Variants in LIMCH1 observed in about 807,000 individuals in gnomAD.
LIMCH1 encodes the protein LIM and calponin homology domains 1.
Under a neutral mutation model 176.5 loss-of-function variants are expected in LIMCH1, and 113 were observed. The observed-to-expected ratio is 0.64, with a 90% CI of 0.55 to 0.75. The LOEUF (loss-of-function observed/expected upper bound fraction) is 0.75. Ranked by LOEUF, LIMCH1 falls within the 30% of genes least tolerant of loss-of-function variation. The pLI is 0.00. For synonymous variants in LIMCH1, 619 were observed against 645.9 expected (o/e 0.96, Z 0.63); for missense variants, 1,674 against 1,814.9 (o/e 0.92, Z 1.41).
chr4:41,457,476 G>A (rs1436600650), intron 1 of LIMCH1, among the ~76,000 whole-genome samples: 1 of 152,144 alleles, frequency 6.6e-6, no homozygotes, highest in Non-Finnish European at 1.5e-5. Flanking sequence ...CCTAGGCACT[G>A]TTGTAAGTAC....
intron 1 of LIMCH1, among the ~76,000 whole-genome samples, chr4:41,408,159 A>G (rs777108939): frequency 6.6e-6 from 1 of 152,134 alleles, no homozygotes; most frequent in African/African-American, 2.4e-5. Flanking sequence ...AACAAGGGCA[A>G]AGGCATGGGT....
chr4:41,429,305 A>G (rs2061395287), intron 1 of LIMCH1, among the ~76,000 whole-genome samples: 1 of 151,338 alleles, frequency 6.6e-6, no homozygotes, highest in Non-Finnish European at 1.5e-5. Flanking sequence ...TTGTGCTTCT[A>G]GTGCTCTGAC....
chr4:41,440,441 A>G (rs751811564), intron 1 of LIMCH1, among the ~76,000 whole-genome samples: 19 of 152,298 alleles, frequency 1.2e-4, no homozygotes, highest in Non-Finnish European at 4.4e-5. Context: ...ATGTCCCCAA[A>G]TGGTACCATT....
chr4:41,484,792 A>G (rs2069227599), intron 1 of LIMCH1, among the ~76,000 whole-genome samples: 1 of 152,210 alleles, frequency 6.6e-6, no homozygotes, highest in Non-Finnish European at 1.5e-5. Flanking sequence ...CAGCCAACAG[A>G]ATCTCCTCTT....
At chr4:41,599,249 A>T (rs1394295806) in intron 2 of LIMCH1, 1 of 372,870 alleles carries the variant, frequency 2.7e-6, no homozygotes, top group Non-Finnish European at 4.9e-6. Flanking sequence ...ATTCTTGCAT[A>T]TAGAGTTTGA....
intron 1 of LIMCH1, among the ~76,000 whole-genome samples, chr4:41,394,158 G>C (rs1024440207): frequency 6.6e-6 from 1 of 152,080 alleles, no homozygotes; most frequent in African/African-American, 2.4e-5. Flanking sequence ...GGCCAAAATT[G>C]GTTCTGTTTT....
chr4:41,568,366 G>A (rs1584242859), intron 1 of LIMCH1, among the ~76,000 whole-genome samples: 1 of 152,322 alleles, frequency 6.6e-6, no homozygotes, highest in South Asian at 2.1e-4. Context: ...CTTCAGGAGA[G>A]CCAACGTGAC....
chr4:41,679,103 T>C (rs1713548330), intron 23 of LIMCH1, among the ~76,000 whole-genome samples: 1 of 152,182 alleles, frequency 6.6e-6, no homozygotes, highest in African/African-American at 2.4e-5. Flanking sequence ...TCTCAGTGGC[T>C]TCCCCATGAA....
At chr4:41,615,351 G>C (rs2091945894) in intron 5 of LIMCH1, among the ~76,000 whole-genome samples, 1 of 152,020 alleles carries the variant, frequency 6.6e-6, no homozygotes, top group South Asian at 2.1e-4. Flanking sequence ...GATTGGAGGT[G>C]GTGATTACTA....
rs536061729 is a variant in LIMCH1 at position 41,419,561 on chromosome 4, CCCTTCCTTCCTTCCTTCCTTCCTTCCTT to C, written c.96+58640_96+58667del. On this transcript the variant is annotated intron_variant, in intron 1 of 26. Coordinates refer to the LIMCH1 transcript ENST00000313860. The stretch of plus-strand genomic sequence containing the variant: ...GCCTACATTTTCTTCCTTTCCTTTC[CCCTTCCTTCCTTCCTTCCTTCCTTCCTT>C]CCTTCCTTCCTTCCGTCCTTCCTTC... 7.4e-3 allele frequency among the ~76,000 whole-genome samples: 865 copies of C among 116,286 alleles called. 23 individuals carry two copies. The highest frequency in any genetic ancestry group is 0.01 in the Non-Finnish European group (567 of 55,238). 76.3% of individuals were successfully genotyped at this position (116,286 alleles called of 152,430 possible). A position where few individuals can be genotyped will look rare whatever the true frequency, so the allele number is the denominator to read the frequency against.
At chr4:41,676,267 C>A in intron 22 of LIMCH1, 115 bp from the exon 23 acceptor site, 5 of 683,392 alleles carry the variant, frequency 7.3e-6, no homozygotes, top group Middle Eastern at 2.5e-4. Flanking sequence ...ATGAAGCCTT[C>A]TGCTCCTGTG....
At position 41,619,306 on chromosome 4, in the gene LIMCH1, C is replaced by G; in HGVS notation, c.324C>G (p.Asn108Lys). The G allele has an allele frequency of 6.2e-7, 1 of 1,614,220 alleles. No individual in the cohort carries two copies. The highest frequency in any genetic ancestry group is 8.5e-7 in the Non-Finnish European group (1 of 1,180,050). Residue 108 changes from asparagine (N) to lysine (K), a missense_variant, in exon 6 of 32, where the codon AAC (asparagine) becomes AAG (lysine). Asn to Lys is a moderately conservative substitution (Grantham distance 94). Around this residue, in one of 3 missense-constraint regions of LIMCH1, gnomAD observed 655 missense variants for 692.2 expected, o/e 0.95. Transcript: ENST00000503057. ...AGCCGAAATCAGCAGTGCCTTTTAA[C>G]CAGTACCTCCCGAACAAAAGCAATC... is the stretch of plus-strand genomic sequence containing the variant. ...HGEPKSAVPFNQYLPNKSNQT... is the reference protein window; with the variant it reads ...HGEPKSAVPFKQYLPNKSNQT...
Position 41,697,369 on chromosome 4 carries a change from GGT to G in LIMCH1, c.*185_*186del. On this transcript the variant is annotated 3_prime_UTR_variant, in exon 32 of 32. Transcript: ENST00000503057. ...TTATGTTTTTCCTGTTTATTGTTTT[GGT>G]TTTTTTTTTTTTTTTGCATTTGCAC... 7.9e-6 allele frequency: 4 copies of G among 508,372 alleles called. No homozygotes were observed. Among genetic ancestry groups the G allele is most frequent in the South Asian group, 6.3e-5 (2 of 31,692 alleles). The allele number at this position is 508,372 out of a possible 1,614,324, so 31.5% of individuals were successfully genotyped here.
At chr4:41,375,530 A>G (rs578152764) in intron 1 of LIMCH1, among the ~76,000 whole-genome samples, 4 of 152,374 alleles carry the variant, frequency 2.6e-5, no homozygotes, top group African/African-American at 9.6e-5. Context: ...AAAGTATCCA[A>G]TACCAGTATC....
intron 1 of LIMCH1, among the ~76,000 whole-genome samples, chr4:41,400,611 G>A (rs1385022302): frequency 6.6e-6 from 1 of 152,112 alleles, no homozygotes; most frequent in African/African-American, 2.4e-5. Flanking sequence ...ACCACCAGTA[G>A]TTAAAATGAT....
At chr4:41,554,391 G>A (rs2080953766) in intron 1 of LIMCH1, among the ~76,000 whole-genome samples, 1 of 152,136 alleles carries the variant, frequency 6.6e-6, no homozygotes, top group Non-Finnish European at 1.5e-5. Flanking sequence ...CCAGGCATGT[G>A]CTCATGCTTC....
chr4:41,397,887 C>G (rs150311225), intron 1 of LIMCH1, among the ~76,000 whole-genome samples: 24 of 151,992 alleles, frequency 1.6e-4, no homozygotes, highest in African/African-American at 7.2e-5. Flanking sequence ...ATGGTTATGT[C>G]TTTCTGGTGA....
intron 1 of LIMCH1, among the ~76,000 whole-genome samples, chr4:41,587,671 A>G (rs1014719239): frequency 6.6e-6 from 1 of 151,432 alleles, no homozygotes; most frequent in Non-Finnish European, 1.5e-5. Context: ...ATATATGCCT[A>G]TTTACATCTG....
In LIMCH1 at chr4:41,613,658, G is replaced by A. The variant is rs773987561; in HGVS notation, c.202G>A (p.Asp68Asn). The change falls in exon 5 of 32, where the codon GAT (aspartate) becomes AAT (asparagine). Residue 68 changes from aspartate (D) to asparagine (N), a missense_variant. Asp to Asn is a conservative substitution (Grantham distance 23). This residue lies in a region of LIMCH1 where 655 missense variants were observed against 692.2 expected (regional missense o/e 0.95). Coordinates refer to ENST00000503057, the MANE Select transcript of LIMCH1 (RefSeq NM_001330672.2). ...SPDVVLRGSS[D>N]GRGSDSESDL... ...AGATGTAGTCCTCAGGGGAAGCAGC[G>A]ATGGTAGGTTGGAGTCTTAATAAAC... The A allele has an allele frequency of 2.5e-5, 41 of 1,613,538 alleles. No homozygotes were observed. Among genetic ancestry groups the A allele is most frequent in the Non-Finnish European group, 3.1e-5 (37 of 1,179,590 alleles).
Sources: gnomAD v4.1 joint callset for allele counts (sites outside exome capture counted in the v4.1 genomes callset) on GRCh38, gnomAD v4.1.1 for gene constraint, gnomAD v4.1.1 regional missense constraint, MANE v1.5 for transcripts, NCBI Gene and HGNC (gene_info 2026-07-23, HGNC 2026-07-21) for gene names.